Variants in CHSY3 observed in about 807,000 individuals in gnomAD.
CHSY3 encodes the protein chondroitin sulfate synthase 3.
A neutral mutation model predicts 67.2 loss-of-function variants in CHSY3; 35 were observed. The observed-to-expected ratio is 0.52, with a 90% CI of 0.40 to 0.69. The LOEUF is 0.69. CHSY3 is among the 30% of genes least tolerant of loss of function. The pLI is 0.00. For missense variants in CHSY3, 1,069 were observed against 1,138.5 expected (o/e 0.94, Z 0.88); for synonymous variants, 474 against 434.7 (o/e 1.09, Z -1.12).
chr5:129,934,864 A>G (rs1315652028), intron 2 of CHSY3, among the ~76,000 whole-genome samples: 1 of 152,192 alleles, frequency 6.6e-6, no homozygotes, highest in Non-Finnish European at 1.5e-5. Context: ...GGGACTTTGC[A>G]GAGTAAAATC....
At chr5:130,123,346 A>G (rs1303257718) in intron 2 of CHSY3, among the ~76,000 whole-genome samples, 1 of 152,174 alleles carries the variant, frequency 6.6e-6, no homozygotes, top group African/African-American at 2.4e-5. Flanking sequence ...ACCAGGGCCC[A>G]GTTTTATAGA....
chr5:129,933,293 T>C (rs895544504), intron 2 of CHSY3, among the ~76,000 whole-genome samples: 4 of 152,168 alleles, frequency 2.6e-5, no homozygotes, highest in African/African-American at 9.6e-5. Flanking sequence ...AGGAGGGCCA[T>C]TTCTGTCAGC....
chr5:130,177,202 TG>T (rs1770080836), intron 2 of CHSY3, among the ~76,000 whole-genome samples: 1 of 150,028 alleles, frequency 6.7e-6, no homozygotes, highest in Non-Finnish European at 1.5e-5. Context: ...TATATATATA[TG>T]AGTGTGTGTA....
chr5:130,063,880 AC>A (rs1765794045), intron 2 of CHSY3, among the ~76,000 whole-genome samples: 1 of 152,008 alleles, frequency 6.6e-6, no homozygotes, highest in Non-Finnish European at 1.5e-5. Flanking sequence ...TGGCCTAATC[AC>A]CCCTAGAAGG....
intron 2 of CHSY3, among the ~76,000 whole-genome samples, chr5:129,990,115 C>T (rs980759050): frequency 3.3e-5 from 5 of 151,644 alleles, no homozygotes; most frequent in African/African-American, 9.7e-5. Context: ...CATGGATATA[C>T]AGAATTCTTC....
chr5:130,069,513 A>C (rs1484167304), intron 2 of CHSY3, among the ~76,000 whole-genome samples: 1 of 151,960 alleles, frequency 6.6e-6, no homozygotes, highest in Non-Finnish European at 1.5e-5. Flanking sequence ...TTTTAAAATA[A>C]ATAAAAATAA....
chr5:130,109,195 G>A (rs969421664), intron 2 of CHSY3, among the ~76,000 whole-genome samples: 4 of 151,746 alleles, frequency 2.6e-5, no homozygotes, highest in Non-Finnish European at 4.4e-5. Flanking sequence ...TGCAAATAGG[G>A]ACTCATTGTA....
In CHSY3 at chr5:130,148,377, G is replaced by A. The variant is rs375705368; in HGVS notation, c.1087-35852G>A. ...GTGAACACATGCATGTGTCTTTATGGTAGAATGATTTGTATTCCTTTGGGT... is the reference window on the plus strand; with the variant it reads ...GTGAACACATGCATGTGTCTTTATGATAGAATGATTTGTATTCCTTTGGGT... On this transcript the variant is annotated intron_variant, in intron 2 of 2. Coordinates refer to ENST00000305031, the MANE Select transcript of CHSY3 (RefSeq NM_175856.5). 2.1e-3 allele frequency among the ~76,000 whole-genome samples: 322 copies of A among 152,182 alleles called. 6 individuals are homozygous for A. The South Asian group carries it at 0.035, about 17-fold the overall frequency.
intron 2 of CHSY3, among the ~76,000 whole-genome samples, chr5:129,962,631 T>A (rs1762364324): frequency 6.6e-6 from 1 of 152,072 alleles, no homozygotes; most frequent in Non-Finnish European, 1.5e-5. Flanking sequence ...TGTGTGCTTT[T>A]GCAGCTCTGT....
At chr5:130,059,268 C>T (rs1487543720) in intron 2 of CHSY3, among the ~76,000 whole-genome samples, 1 of 152,114 alleles carries the variant, frequency 6.6e-6, no homozygotes, top group Non-Finnish European at 1.5e-5. Flanking sequence ...AGACTTAGGA[C>T]TGCAACATCA....
intron 2 of CHSY3, among the ~76,000 whole-genome samples, chr5:130,071,936 C>G (rs900197325): frequency 6.6e-6 from 1 of 152,040 alleles, no homozygotes; most frequent in African/African-American, 2.4e-5. Context: ...ATTTACATTT[C>G]CTTGATAATT....
At chr5:129,915,111 T>A (rs1005515393) in intron 2 of CHSY3, among the ~76,000 whole-genome samples, 1 of 152,226 alleles carries the variant, frequency 6.6e-6, no homozygotes, top group Non-Finnish European at 1.5e-5. Context: ...AAATATATTC[T>A]ACTATATAAC....
intron 2 of CHSY3, among the ~76,000 whole-genome samples, chr5:130,130,543 G>T (rs575859652): frequency 6.6e-6 from 1 of 152,210 alleles, no homozygotes; most frequent in Admixed American, 6.6e-5. Flanking sequence ...CTTCTTGGGA[G>T]TCTAAAACTT....
chr5:129,937,712 G>A (rs1348888095), intron 2 of CHSY3, among the ~76,000 whole-genome samples: 1 of 152,040 alleles, frequency 6.6e-6, no homozygotes, highest in Non-Finnish European at 1.5e-5. Flanking sequence ...TTCCAAATGA[G>A]AGTAATTGGC....
intron 2 of CHSY3, chr5:130,141,184 T>C (rs1768853400): frequency 2.2e-6 from 1 of 455,332 alleles, no homozygotes; most frequent in African/African-American, 2.1e-5. Context: ...CTGAAAATGT[T>C]CAAGATTTGC....
intron 2 of CHSY3, among the ~76,000 whole-genome samples, chr5:130,176,775 A>G (rs552566630): frequency 6.6e-6 from 1 of 152,230 alleles, no homozygotes; most frequent in South Asian, 2.1e-4. Flanking sequence ...TCTCACTAAT[A>G]GTGGGAGTTG....
chr5:130,016,951 T>A (rs1483257383), intron 2 of CHSY3, among the ~76,000 whole-genome samples: 2 of 152,016 alleles, frequency 1.3e-5, no homozygotes, highest in East Asian at 3.9e-4. Flanking sequence ...GGAAAATGGG[T>A]CTTGATAGGG....
intron 2 of CHSY3, among the ~76,000 whole-genome samples, chr5:129,995,949 C>A (rs1006517686): frequency 1.3e-5 from 2 of 152,004 alleles, no homozygotes; most frequent in Non-Finnish European, 2.9e-5. Context: ...CTCTTCCTCT[C>A]CCTCTCTCTC....
At chr5:129,975,247 CA>C (rs1762771742) in intron 2 of CHSY3, among the ~76,000 whole-genome samples, 1 of 152,032 alleles carries the variant, frequency 6.6e-6, no homozygotes, top group South Asian at 2.1e-4. Flanking sequence ...TAAATAAATA[CA>C]ATCTAAGACT....
Sources: allele counts gnomAD v4.1 joint callset (sites outside exome capture counted in the v4.1 genomes callset), GRCh38; gene constraint gnomAD v4.1.1; transcripts MANE v1.5; gene names NCBI Gene and HGNC (gene_info 2026-07-23, HGNC 2026-07-21).